Variants in PPP2R5E observed in about 807,000 individuals in gnomAD.
The protein encoded by PPP2R5E is serine/threonine-protein phosphatase 2A 56 kDa regulatory subunit epsilon isoform.
In PPP2R5E, 4 loss-of-function variants were observed where a neutral mutation model predicts 65.3. The ratio of observed to expected loss-of-function variants is 0.06; its 90% confidence interval spans 0.03 to 0.14. The LOEUF is 0.14. Among genes scored for constraint, PPP2R5E ranks in the 10% least tolerant of loss-of-function variants. The probability of loss-of-function intolerance (pLI) is 1.00; values close to 1 mark genes in which losing one functional copy is unlikely to be tolerated. For missense variants in PPP2R5E, 274 were observed against 556.1 expected, an observed-to-expected ratio of 0.49 and a Z score of 5.10; for synonymous variants, 183 against 187.4, an observed-to-expected ratio of 0.98 and a Z score of 0.19.
At chr14:63,485,207 A>G (rs911617716) in intron 2 of PPP2R5E, among the ~76,000 whole-genome samples, 1 of 152,106 alleles carries the variant, frequency 6.6e-6, no homozygotes. Context: ...AAAAAAAAAA[A>G]AAAAAAAAAC....
intron 2 of PPP2R5E, among the ~76,000 whole-genome samples, chr14:63,521,253 C>CAAT (rs1267865903): frequency 4.6e-5 from 7 of 152,184 alleles, no homozygotes; most frequent in Non-Finnish European, 1.5e-5. Context: ...AAATATAATA[C>CAAT]AATATAGCTC....
At chr14:63,472,402 G>A (rs920194917) in intron 2 of PPP2R5E, among the ~76,000 whole-genome samples, 1 of 152,196 alleles carries the variant, frequency 6.6e-6, no homozygotes, top group African/African-American at 2.4e-5. Context: ...TTGCACTAAA[G>A]CTGGCTTACT....
chr14:63,440,373 G>A (rs1385349123), intron 3 of PPP2R5E, among the ~76,000 whole-genome samples: 2 of 150,992 alleles, frequency 1.3e-5, no homozygotes, highest in African/African-American at 4.9e-5. Context: ...TAGGGCAGCA[G>A]AAGTGGTAGG....
At chr14:63,450,360 A>T (rs564465887) in intron 3 of PPP2R5E, among the ~76,000 whole-genome samples, 7 of 152,348 alleles carry the variant, frequency 4.6e-5, no homozygotes, top group African/African-American at 1.4e-4. Context: ...ATGTACACTA[A>T]CAGACTCAAT....
intron 12 of PPP2R5E, among the ~76,000 whole-genome samples, chr14:63,382,403 C>CCT: frequency 7.2e-6 from 1 of 138,590 alleles, no homozygotes; most frequent in South Asian, 2.3e-4. Flanking sequence ...CTTCTAATTT[C>CCT]TTTTTTTTTT....
Position 63,540,589 on chromosome 14 carries a change from G to A in PPP2R5E, c.-7-897C>T, listed in dbSNP as rs139734988. Among the ~76,000 whole-genome samples, 175 of 151,604 alleles carry A rather than the reference G, an allele frequency of 1.2e-3. 3 individuals carry two copies. The East Asian group carries it at 0.029, about 25-fold the overall frequency. ...AATACAAAAATTAGCCAGGCATGGT[G>A]GCGCATGCCTGTAATCCCAGCTACT... On this transcript the variant is annotated intron_variant, in intron 1 of 13. Coordinates refer to ENST00000337537, the MANE Select transcript of PPP2R5E (RefSeq NM_006246.5).
intron 3 of PPP2R5E, among the ~76,000 whole-genome samples, chr14:63,427,784 T>G (rs906837988): frequency 2.6e-5 from 4 of 152,130 alleles, no homozygotes; most frequent in African/African-American, 9.7e-5. Flanking sequence ...GCTTTTAGAA[T>G]CAGATCAGGT....
chr14:63,530,357 C>T (rs1004005605), intron 2 of PPP2R5E, among the ~76,000 whole-genome samples: 4 of 151,182 alleles, frequency 2.6e-5, no homozygotes, highest in Admixed American at 6.6e-5. Context: ...CTCAGCCTCC[C>T]GAGTAGCTGG....
intron 2 of PPP2R5E, among the ~76,000 whole-genome samples, chr14:63,479,058 G>A (rs1199435387): frequency 1.3e-5 from 2 of 152,266 alleles, no homozygotes; most frequent in African/African-American, 4.8e-5. Context: ...GAACCCAGGA[G>A]AAGGAGGTTG....
In PPP2R5E at chr14:63,374,634, G is replaced by GATATATATATATATATATATATAT. The variant is rs35587312; in HGVS notation, c.*1351_*1374dup. ...TAAATACAAAGCAGAGAGCCAATAA[G>GATATATATATATATATATATATAT]ATATATATATATATATATATATATA... On this transcript the variant is annotated 3_prime_UTR_variant, in exon 14 of 14. Coordinates refer to ENST00000337537, the MANE Select transcript of PPP2R5E (RefSeq NM_006246.5). 4.3e-4 allele frequency: 47 copies of GATATATATATATATATATATATAT among 109,528 alleles called. No homozygotes were observed. Among genetic ancestry groups the GATATATATATATATATATATATAT allele is most frequent in the African/African-American group, 2.1e-3 (44 of 20,634 alleles). 6.8% of individuals were successfully genotyped at this position (109,528 alleles called of 1,614,324 possible).
chr14:63,429,777 C>T (rs540049472), intron 3 of PPP2R5E, among the ~76,000 whole-genome samples: 25 of 152,048 alleles, frequency 1.6e-4, no homozygotes, highest in Middle Eastern at 3.4e-3. Flanking sequence ...TCCACCTCCC[C>T]GATTCAAGTG....
chr14:63,393,897 C>A lies in PPP2R5E; in HGVS notation c.772G>T (p.Ala258Ser). 6.2e-7 allele frequency: 1 copy of A among 1,611,068 alleles called. No individual in the cohort carries two copies. The highest frequency in any genetic ancestry group is 1.7e-4 in the Middle Eastern group (1 of 6,058). Reference sequence around the variant, plus strand: ...TTCACCAGAAACTGTTTGTGTTCTGCCTTAAGAGGTAAAGCAAAGCCATTG... The same window carrying A: ...TTCACCAGAAACTGTTTGTGTTCTGACTTAAGAGGTAAAGCAAAGCCATTG... ...IINGFALPLK[A>S]EHKQFLVKVL... Residue 258 changes from alanine (A) to serine (S), a missense_variant, in exon 8 of 14, where the codon GCA becomes TCA. Around this residue, in one of 6 missense-constraint regions of PPP2R5E, gnomAD observed 129 missense variants for 254.9 expected, o/e 0.51. Coordinates refer to ENST00000337537, the MANE Select transcript of PPP2R5E (RefSeq NM_006246.5).
intron 2 of PPP2R5E, among the ~76,000 whole-genome samples, chr14:63,531,462 TATA>T (rs1252353428): frequency 2.1e-5 from 3 of 144,858 alleles, no homozygotes; most frequent in Admixed American, 6.7e-5. Context: ...AAACTTAAAG[TATA>T]ATAATAATAA....
intron 6 of PPP2R5E, 132 bp downstream of exon 6, chr14:63,396,454 T>C (rs950347432): frequency 1.7e-6 from 2 of 1,178,728 alleles, no homozygotes; most frequent in Non-Finnish European, 2.3e-6. Flanking sequence ...GGAGAGTCAG[T>C]AGAATGAAGG....
At chr14:63,510,162 A>G (rs1050715883) in intron 2 of PPP2R5E, among the ~76,000 whole-genome samples, 2 of 152,232 alleles carry the variant, frequency 1.3e-5, no homozygotes, top group Admixed American at 6.5e-5. Flanking sequence ...CTTTCCTTAA[A>G]TATCACAACA....
At chr14:63,425,708 T>A (rs1191726951) in intron 3 of PPP2R5E, among the ~76,000 whole-genome samples, 1 of 152,254 alleles carries the variant, frequency 6.6e-6, no homozygotes, top group Admixed American at 6.5e-5. Flanking sequence ...ATACTAAGCA[T>A]TTAATAAATA....
At chr14:63,476,800 A>G (rs1022951242) in intron 2 of PPP2R5E, among the ~76,000 whole-genome samples, 4 of 152,170 alleles carry the variant, frequency 2.6e-5, no homozygotes, top group African/African-American at 9.6e-5. Context: ...TTACTTATTC[A>G]TGACATTCAC....
chr14:63,446,944 G>C (rs1203985168), intron 3 of PPP2R5E, among the ~76,000 whole-genome samples: 1 of 152,046 alleles, frequency 6.6e-6, no homozygotes, highest in Non-Finnish European at 1.5e-5. Context: ...TGGGGGAAAA[G>C]AAAAACAAAA....
At chr14:63,417,565 T>C (rs1886771371) in intron 4 of PPP2R5E, among the ~76,000 whole-genome samples, 1 of 151,870 alleles carries the variant, frequency 6.6e-6, no homozygotes, top group African/African-American at 2.4e-5. Flanking sequence ...AAGATAACCA[T>C]TATATTTCAG....
Sources: allele counts gnomAD v4.1 joint callset (sites outside exome capture counted in the v4.1 genomes callset), GRCh38; gene constraint gnomAD v4.1.1; regional missense constraint gnomAD v4.1.1; transcripts MANE v1.5; gene names NCBI Gene and HGNC (gene_info 2026-07-23, HGNC 2026-07-21).